GRID2: variants seen among roughly 807,000 people sequenced by gnomAD.
GRID2 encodes the protein glutamate receptor ionotropic, delta-2.
Under a neutral mutation model 114.8 loss-of-function variants are expected in GRID2, and 33 were observed. The observed-to-expected ratio is 0.29, with a 90% CI of 0.22 to 0.38. The LOEUF (loss-of-function observed/expected upper bound fraction) is 0.38, where lower values mean the gene tolerates loss of function less well. Among genes scored for constraint, GRID2 ranks in the 10% least tolerant of loss-of-function variants. The pLI is 1.00. For missense variants in GRID2, 1,184 were observed against 1,257.7 expected (o/e 0.94, Z 0.89); for synonymous variants, 505 against 449.9 (o/e 1.12, Z -1.55).
chr4:93,507,114 C>A (rs1339425651), intron 12 of GRID2, among the ~76,000 whole-genome samples: 1 of 152,178 alleles, frequency 6.6e-6, no homozygotes, highest in Non-Finnish European at 1.5e-5. Context: ...AGCCTACTTT[C>A]ATTAAATAAG....
intron 8 of GRID2, among the ~76,000 whole-genome samples, chr4:93,388,903 TAGTG>T (rs1460846965): frequency 2.0e-5 from 3 of 152,176 alleles, no homozygotes; most frequent in African/African-American, 7.2e-5. Flanking sequence ...TAGGGATAGA[TAGTG>T]AGCTTAATCT....
chr4:92,823,381 C>T (rs770006429), intron 2 of GRID2, among the ~76,000 whole-genome samples: 2 of 152,096 alleles, frequency 1.3e-5, no homozygotes, highest in Non-Finnish European at 2.9e-5. Context: ...CAAGATTGAT[C>T]TATTGATATT....
rs191256553 is a variant in GRID2 at position 93,169,961 on chromosome 4, C to T, written c.736-37443C>T. ...ATATTCAAGTATGTTTCAAGCTGTACAATAACACAGGTTTAACTTGAAAAG... is the reference window on the plus strand; with the variant it reads ...ATATTCAAGTATGTTTCAAGCTGTATAATAACACAGGTTTAACTTGAAAAG... On this transcript the variant is annotated intron_variant, in intron 4 of 15. Transcript: ENST00000282020. 5.7e-4 allele frequency among the ~76,000 whole-genome samples: 87 copies of T among 152,218 alleles called. No homozygotes were observed. In the Middle Eastern group the frequency reaches 0.01, roughly 18 times the overall value.
chr4:92,332,150 C>T (rs550227203), intron 1 of GRID2, among the ~76,000 whole-genome samples: 11 of 152,220 alleles, frequency 7.2e-5, no homozygotes, highest in Non-Finnish European at 1.3e-4. Flanking sequence ...GATAATATCA[C>T]AGACTGGGTA....
intron 2 of GRID2, among the ~76,000 whole-genome samples, chr4:92,773,507 T>G (rs1560583904): frequency 6.6e-6 from 1 of 152,136 alleles, no homozygotes; most frequent in Non-Finnish European, 1.5e-5. Flanking sequence ...AAGATACTTC[T>G]TTGCTAATTA....
chr4:92,531,648 A>G (rs1725362149), intron 1 of GRID2, among the ~76,000 whole-genome samples: 1 of 152,134 alleles, frequency 6.6e-6, no homozygotes, highest in Non-Finnish European at 1.5e-5. Context: ...TAGAGGAATG[A>G]TCATGGAGAG....
intron 9 of GRID2, among the ~76,000 whole-genome samples, chr4:93,407,789 CCTCCTCCTCG>C (rs1766657029): frequency 4.8e-5 from 4 of 83,230 alleles, no homozygotes; most frequent in Admixed American, 1.2e-4. Context: ...TCCTCCTCGT[CCTCCTCCTCG>C]TCCTCCTCCT....
At chr4:93,267,321 C>T (rs1365010068) in intron 8 of GRID2, among the ~76,000 whole-genome samples, 2 of 152,110 alleles carry the variant, frequency 1.3e-5, no homozygotes, top group African/African-American at 4.8e-5. Context: ...GGAAAGCCTG[C>T]ACTCAAGTCC....
intron 12 of GRID2, among the ~76,000 whole-genome samples, chr4:93,493,364 C>A (rs1258201065): frequency 2.0e-5 from 3 of 151,706 alleles, no homozygotes; most frequent in Non-Finnish European, 2.9e-5. Flanking sequence ...AATATCATCT[C>A]ATTTATTCCA....
chr4:93,311,314 G>C (rs1755986074), intron 8 of GRID2, among the ~76,000 whole-genome samples: 1 of 152,120 alleles, frequency 6.6e-6, no homozygotes, highest in Non-Finnish European at 1.5e-5. Context: ...GTAGGTTGCA[G>C]GTCTGCTTGT....
At chr4:93,081,644 T>C (rs1170930183) in intron 2 of GRID2, among the ~76,000 whole-genome samples, 1 of 152,164 alleles carries the variant, frequency 6.6e-6, no homozygotes, top group Non-Finnish European at 1.5e-5. Flanking sequence ...TATAGATGTT[T>C]ACGTATATGT....
rs1261114439 is a variant in GRID2, at chr4:93,347,411, A to G, written c.1246-48196A>G. Among the ~76,000 whole-genome samples, 3 of 152,088 alleles carry G rather than the reference A, an allele frequency of 2.0e-5. No individual in the cohort carries two copies. The East Asian group carries it at 5.8e-4, about 29-fold the overall frequency. ...ACACCTTTTAAAGTTTCATGTCTTT[A>G]TTAGTAAGTATAAAATAGTTGTTGC... On this transcript the variant is annotated intron_variant, in intron 8 of 15. Transcript: ENST00000282020.
intron 4 of GRID2, among the ~76,000 whole-genome samples, chr4:93,144,538 G>A (rs1037478959): frequency 2.0e-5 from 3 of 152,170 alleles, no homozygotes; most frequent in Non-Finnish European, 4.4e-5. Context: ...GGAGAGCCAG[G>A]CACAACCTGT....
chr4:92,418,849 T>C, intron 1 of GRID2, among the ~76,000 whole-genome samples: 1 of 152,136 alleles, frequency 6.6e-6, no homozygotes, highest in East Asian at 1.9e-4. Flanking sequence ...AGAGAAGAGC[T>C]TCAAAAAATA....
intron 11 of GRID2, among the ~76,000 whole-genome samples, chr4:93,457,185 G>T (rs1342636553): frequency 6.6e-6 from 1 of 152,138 alleles, no homozygotes; most frequent in Non-Finnish European, 1.5e-5. Context: ...GGTAGGATAA[G>T]CATAGACTGT....
chr4:93,238,079 A>C (rs2149512007), intron 7 of GRID2, among the ~76,000 whole-genome samples: 1 of 151,836 alleles, frequency 6.6e-6, no homozygotes, highest in East Asian at 1.9e-4. Context: ...TGAGCCTGGA[A>C]CTTAGTCTGA....
intron 4 of GRID2, among the ~76,000 whole-genome samples, chr4:93,168,930 A>G (rs907706735): frequency 6.6e-6 from 1 of 152,170 alleles, no homozygotes; most frequent in East Asian, 1.9e-4. Flanking sequence ...CAATTAAAAT[A>G]AAAGTTAATA....
At chr4:93,215,707 C>T (rs1270351936) in intron 5 of GRID2, among the ~76,000 whole-genome samples, 2 of 152,078 alleles carry the variant, frequency 1.3e-5, no homozygotes, top group African/African-American at 4.8e-5. Flanking sequence ...TTGAATCTAA[C>T]ATATGCTACA....
intron 8 of GRID2, among the ~76,000 whole-genome samples, chr4:93,366,353 T>A (rs1762333046): frequency 6.6e-6 from 1 of 152,058 alleles, no homozygotes; most frequent in Non-Finnish European, 1.5e-5. Flanking sequence ...TCTCTTATGG[T>A]CGAGACTGCA....
Sources: allele counts gnomAD v4.1 joint callset (sites outside exome capture counted in the v4.1 genomes callset), GRCh38; gene constraint gnomAD v4.1.1; transcripts MANE v1.5; gene names NCBI Gene and HGNC (gene_info 2026-07-23, HGNC 2026-07-21).